Variants in EGFLAM observed in about 807,000 individuals in gnomAD.
The protein encoded by EGFLAM is pikachurin.
EGFLAM carries 79 observed loss-of-function variants against 113.1 expected under a neutral mutation model. The observed-to-expected ratio is 0.70, with a 90% CI of 0.58 to 0.84. The LOEUF (loss-of-function observed/expected upper bound fraction) is 0.84, where lower values mean the gene tolerates loss of function less well. EGFLAM is among the 40% of genes least tolerant of loss of function. The pLI is 0.00. For missense variants in EGFLAM, 1,265 were observed against 1,291.6 expected, an observed-to-expected ratio of 0.98 and a Z score of 0.32; for synonymous variants, 504 against 487.6, an observed-to-expected ratio of 1.03 and a Z score of -0.44.
At chr5:38,318,602 G>T (rs1738661183) in intron 1 of EGFLAM, among the ~76,000 whole-genome samples, 1 of 151,900 alleles carries the variant, frequency 6.6e-6, no homozygotes, top group African/African-American at 2.4e-5. Flanking sequence ...CCACCTCCCA[G>T]GTTCAAGCGA....
chr5:38,291,357 T>C (rs942697550), intron 1 of EGFLAM, among the ~76,000 whole-genome samples: 3 of 152,226 alleles, frequency 2.0e-5, no homozygotes, highest in African/African-American at 7.2e-5. Context: ...CACTGAAGTC[T>C]GGATTTGGGG....
At chr5:38,430,948 C>A (rs574779041) in intron 14 of EGFLAM, among the ~76,000 whole-genome samples, 3 of 152,180 alleles carry the variant, frequency 2.0e-5, no homozygotes, top group Non-Finnish European at 4.4e-5. Context: ...AGAGAGAGCA[C>A]TTCCCCCCTC....
In EGFLAM at chr5:38,418,153, A is replaced by G; in HGVS notation, c.1582A>G (p.Asn528Asp). The change falls in exon 12 of 22, where the codon AAC becomes GAC. Residue 528 changes from asparagine to aspartate, a missense_variant. Physicochemically the swap from Asn to Asp is conservative, Grantham distance 23. Transcript: ENST00000322350. ...CTGGTTGGTTAGAGCAACAGGGACA[A>G]ACCGAGGCTTTCAAGGCTGTGTGCA... is the stretch of plus-strand genomic sequence containing the variant. Reference protein sequence around the residue: ...AYWLVRATGTNRGFQGCVQSL... With the variant: ...AYWLVRATGTDRGFQGCVQSL... 1 of 1,614,192 alleles carries G rather than the reference A, an allele frequency of 6.2e-7. No individual in the cohort carries two copies. The highest frequency in any genetic ancestry group is 8.5e-7 in the Non-Finnish European group (1 of 1,180,016).
At chr5:38,303,494 G>A (rs578017722) in intron 1 of EGFLAM, among the ~76,000 whole-genome samples, 3 of 152,180 alleles carry the variant, frequency 2.0e-5, no homozygotes, top group African/African-American at 7.2e-5. Flanking sequence ...TATCTATAGG[G>A]CTTCTGAGTT....
At chr5:38,293,986 A>G (rs939414017) in intron 1 of EGFLAM, among the ~76,000 whole-genome samples, 1 of 152,084 alleles carries the variant, frequency 6.6e-6, no homozygotes, top group Non-Finnish European at 1.5e-5. Flanking sequence ...TTTTAAAATT[A>G]CTCTACTAAC....
At chr5:38,412,479 T>C (rs758329600) in intron 10 of EGFLAM, 25 bp from the exon 11 acceptor site, 2 of 1,612,286 alleles carry the variant, frequency 1.2e-6, no homozygotes, top group Non-Finnish European at 1.7e-6. Flanking sequence ...TCAAGAAATC[T>C]TCTTTTCCTT....
At chr5:38,455,640 G>T (rs531001466) in intron 19 of EGFLAM, among the ~76,000 whole-genome samples, 1 of 152,266 alleles carries the variant, frequency 6.6e-6, no homozygotes, top group East Asian at 1.9e-4. Flanking sequence ...GGAAGCGGGA[G>T]GTTCTTTGGA....
At chr5:38,452,729 C>G (rs1195670018) in intron 19 of EGFLAM, among the ~76,000 whole-genome samples, 2 of 152,230 alleles carry the variant, frequency 1.3e-5, no homozygotes, top group Non-Finnish European at 2.9e-5. Flanking sequence ...AGCACAGATT[C>G]ATGTCTCAAT....
At chr5:38,362,260 C>G (rs1029074536) in intron 5 of EGFLAM, among the ~76,000 whole-genome samples, 1 of 152,116 alleles carries the variant, frequency 6.6e-6, no homozygotes, top group African/African-American at 2.4e-5. Context: ...CTTGAAAGTT[C>G]CTACTGTGAT....
In EGFLAM at chr5:38,258,781, C is replaced by T. The variant is rs1433574939; in HGVS notation, c.27C>T (p.Leu9=). Residue 9 remains leucine, a synonymous_variant, in exon 1 of 22, where the codon CTC becomes CTT. Coordinates refer to ENST00000322350, the MANE Select transcript of EGFLAM (RefSeq NM_152403.4). The part of the protein sequence containing the change: MDLIRGVL[L]RLLLLASSLG... Reference sequence around the variant, plus strand: ...TGGATTTAATCCGAGGCGTCTTGCTCCGGCTCCTGCTCCTGGCTTCCAGCC... The same window carrying T: ...TGGATTTAATCCGAGGCGTCTTGCTTCGGCTCCTGCTCCTGGCTTCCAGCC... 3 of 1,611,868 alleles carry T rather than the reference C, an allele frequency of 1.9e-6. No individual in the cohort carries two copies. In the Admixed American group the frequency reaches 5.0e-5, roughly 27 times the overall value.
intron 1 of EGFLAM, among the ~76,000 whole-genome samples, chr5:38,322,617 A>G (rs915281128): frequency 2.6e-5 from 4 of 152,192 alleles, no homozygotes; most frequent in Non-Finnish European, 5.9e-5. Flanking sequence ...TGACTAGGAC[A>G]TGAGGAAACC....
At chr5:38,272,758 A>ATGTGTG (rs148444332) in intron 1 of EGFLAM, among the ~76,000 whole-genome samples, 9,558 of 150,712 alleles carry the variant, frequency 0.063, 736 homozygotes, top group African/African-American at 0.18. Flanking sequence ...AGGTGTGTGT[A>ATGTGTG]TGTGTGTGTG....
At chr5:38,305,337 T>C (rs977632219) in intron 1 of EGFLAM, 2 of 296,456 alleles carry the variant, frequency 6.7e-6, no homozygotes, top group Non-Finnish European at 1.4e-5. Context: ...TGAAGGAAAA[T>C]TATTTCTAAC....
intron 1 of EGFLAM, among the ~76,000 whole-genome samples, chr5:38,324,335 C>T (rs1453266784): frequency 6.6e-6 from 1 of 152,198 alleles, no homozygotes; most frequent in African/African-American, 2.4e-5. Context: ...ATCTCTAGCC[C>T]ATAGGCGGTC....
intron 14 of EGFLAM, among the ~76,000 whole-genome samples, chr5:38,430,577 A>T (rs1242790450): frequency 6.6e-6 from 1 of 152,172 alleles, no homozygotes; most frequent in African/African-American, 2.4e-5. Flanking sequence ...GATCCATAAC[A>T]TGCTAACCCA....
intron 4 of EGFLAM, among the ~76,000 whole-genome samples, chr5:38,351,695 C>T (rs1365299394): frequency 1.3e-5 from 2 of 152,040 alleles, no homozygotes; most frequent in Non-Finnish European, 2.9e-5. Flanking sequence ...GGGCATTTCC[C>T]AAATGACCTA....
In EGFLAM at chr5:38,258,825, C is replaced by G; in HGVS notation, c.71C>G (p.Ser24Trp). 6.2e-7 allele frequency: 1 copy of G among 1,612,042 alleles called. No individual in the cohort carries two copies. The highest frequency in any genetic ancestry group is 1.1e-5 in the South Asian group (1 of 91,020). ...LASSLGPGAV[S>W]LRAAIRKPGK... is the part of the protein sequence containing the mutation. ...TCCAGCCTCGGACCCGGCGCGGTGT[C>G]GCTCCGAGCGGCCATCCGAAAACCA... is the stretch of plus-strand genomic sequence containing the variant. Residue 24 changes from serine (S) to tryptophan (W), a missense_variant, in exon 1 of 22, where the codon TCG (serine) becomes TGG (tryptophan). Ser to Trp is a radical substitution (Grantham distance 177). Coordinates refer to ENST00000322350, the MANE Select transcript of EGFLAM (RefSeq NM_152403.4).
intron 1 of EGFLAM, among the ~76,000 whole-genome samples, chr5:38,330,645 G>A (rs1474788815): frequency 1.3e-5 from 2 of 152,176 alleles, no homozygotes; most frequent in African/African-American, 4.8e-5. Context: ...ACAAGAACTG[G>A]TTCCCCTGTT....
intron 1 of EGFLAM, among the ~76,000 whole-genome samples, chr5:38,302,984 G>A (rs768529890): frequency 2.6e-5 from 4 of 152,112 alleles, no homozygotes; most frequent in South Asian, 2.1e-4. Flanking sequence ...TAGAATACCC[G>A]GGTTTAGCAG....
Sources: allele counts gnomAD v4.1 joint callset (sites outside exome capture counted in the v4.1 genomes callset), GRCh38; gene constraint gnomAD v4.1.1; transcripts MANE v1.5; gene names NCBI Gene and HGNC (gene_info 2026-07-23, HGNC 2026-07-21).